The following POLR3G variants were observed in gnomAD, a reference collection of about 807,000 sequenced individuals.
POLR3G encodes RNA polymerase III subunit G, also known as DNA-directed RNA polymerase III subunit RPC7.
A neutral mutation model predicts 30.1 loss-of-function variants in POLR3G; 28 were observed. The observed-to-expected ratio is 0.93, with a 90% confidence interval of 0.69 to 1.27. POLR3G has a LOEUF of 1.27. Ranked by LOEUF, POLR3G falls within the 50% of genes most tolerant of loss-of-function variation. POLR3G has a pLI of 0.00. For synonymous variants in POLR3G, 79 were observed against 82.5 expected (o/e 0.96, Z 0.23); for missense variants, 254 against 264.6 (o/e 0.96, Z 0.28).
rs1311591124 is a variant in POLR3G, at chr5:90,478,563, G to A, written c.-44+3543G>A. Among the ~76,000 whole-genome samples, 6 of 37,158 alleles carry A rather than the reference G, an allele frequency of 1.6e-4. No individual in the cohort carries two copies. In the East Asian group the frequency reaches 3.3e-3, roughly 20 times the overall value. 24.4% of individuals were successfully genotyped at this position (37,158 alleles called of 152,430 possible). On this transcript the variant is annotated intron_variant, in intron 1 of 7. Transcript: ENST00000651687. ...CTGTAAAATGGGAGGTTTAATCTGC[G>A]TGGTTCTTTTTTTTTTTTTTTTTGA... is the stretch of plus-strand genomic sequence containing the variant.
chr5:90,493,676 ATTTTTTTTTTTTTTTTTTTTTTTTT>A (rs70999488), intron 3 of POLR3G, among the ~76,000 whole-genome samples: 20 of 51,464 alleles, frequency 3.9e-4, no homozygotes, highest in South Asian at 1.7e-3. Flanking sequence ...CCACTATTTA[ATTTTTTTTTTTTTTTTTTTTTTTTT>A]TTTTTTTTTT....
intron 6 of POLR3G, among the ~76,000 whole-genome samples, chr5:90,503,047 G>A (rs1272224733): frequency 6.6e-6 from 1 of 152,090 alleles, no homozygotes; most frequent in Non-Finnish European, 1.5e-5. Flanking sequence ...CTTTATGGAG[G>A]TTATACCAAT....
intron 3 of POLR3G, among the ~76,000 whole-genome samples, chr5:90,491,500 G>T (rs1027283009): frequency 3.8e-4 from 58 of 151,336 alleles, no homozygotes; most frequent in African/African-American, 1.4e-3. Flanking sequence ...TATACCATCA[G>T]TGTCCATGAG....
At chr5:90,482,376 A>C (rs1223266377) in intron 1 of POLR3G, among the ~76,000 whole-genome samples, 1 of 152,050 alleles carries the variant, frequency 6.6e-6, no homozygotes, top group Non-Finnish European at 1.5e-5. Flanking sequence ...ATCTAACCTA[A>C]CTGTGACTCC....
chr5:90,474,500 C>T (rs1046173188), upstream of POLR3G: 5 of 564,668 alleles, frequency 8.9e-6, no homozygotes, highest in Admixed American at 3.4e-5. Context: ...GCTCCCGCAC[C>T]CTTCCGCCAG....
intron 7 of POLR3G, 126 bp downstream of exon 7, chr5:90,506,800 T>C: frequency 1.5e-6 from 2 of 1,339,774 alleles, no homozygotes; most frequent in Non-Finnish European, 1.9e-6. Context: ...TATATTATTA[T>C]CAATGGCATC....
chr5:90,492,173 G>A (rs1751757880), intron 3 of POLR3G, among the ~76,000 whole-genome samples: 1 of 152,178 alleles, frequency 6.6e-6, no homozygotes, highest in South Asian at 2.1e-4. Context: ...CTCAGACTGT[G>A]AGTCTTCAGA....
intron 5 of POLR3G, among the ~76,000 whole-genome samples, chr5:90,498,725 G>A (rs1431503349): frequency 6.6e-6 from 1 of 152,204 alleles, no homozygotes; most frequent in African/African-American, 2.4e-5. Flanking sequence ...GCTTTATGTT[G>A]TATAGAAGAA....
intron 6 of POLR3G, among the ~76,000 whole-genome samples, chr5:90,503,788 A>T (rs190306757): frequency 3.9e-5 from 6 of 152,294 alleles, no homozygotes; most frequent in African/African-American, 1.4e-4. Context: ...CTCATGATTA[A>T]TGTGTGAGTA....
At chr5:90,478,327 A>T (rs897818898) in intron 1 of POLR3G, among the ~76,000 whole-genome samples, 1 of 152,124 alleles carries the variant, frequency 6.6e-6, no homozygotes, top group Non-Finnish European at 1.5e-5. Flanking sequence ...TTACATTTTT[A>T]ATTGAGTCTG....
At chr5:90,479,869 G>A (rs1294866246) in intron 1 of POLR3G, among the ~76,000 whole-genome samples, 2 of 152,158 alleles carry the variant, frequency 1.3e-5, no homozygotes, top group Admixed American at 1.3e-4. Context: ...AGCCAAGAGG[G>A]AAGATGAGGA....
intron 6 of POLR3G, among the ~76,000 whole-genome samples, chr5:90,503,455 G>A (rs1053419581): frequency 6.6e-6 from 1 of 152,186 alleles, no homozygotes; most frequent in African/African-American, 2.4e-5. Flanking sequence ...AGTTTGTATT[G>A]ACTGAACTCA....
At chr5:90,502,197 C>T (rs1362562901) in intron 6 of POLR3G, 6 of 985,210 alleles carry the variant, frequency 6.1e-6, no homozygotes, top group African/African-American at 1.7e-5. Context: ...TTACCACTCA[C>T]CTGGCCACTT....
At chr5:90,480,566 G>A (rs1351432515) in intron 1 of POLR3G, among the ~76,000 whole-genome samples, 2 of 152,188 alleles carry the variant, frequency 1.3e-5, no homozygotes, top group Non-Finnish European at 2.9e-5. Context: ...CCATGAAGCA[G>A]TGCTAGCTGG....
At chr5:90,509,332 A>G (rs1030348396) in intron 7 of POLR3G, among the ~76,000 whole-genome samples, 1 of 152,124 alleles carries the variant, frequency 6.6e-6, no homozygotes, top group African/African-American at 2.4e-5. Context: ...GTTACCCTGT[A>G]TAAACATGTA....
At chr5:90,473,955 T>C (rs1179129808), upstream of POLR3G, 18 of 1,601,536 alleles carry the variant, frequency 1.1e-5, no homozygotes, top group Admixed American at 1.7e-5. Context: ...GGTCTCAAAG[T>C]TGTCCCCGCG....
rs1180582646 is a variant in POLR3G, at chr5:90,495,733, G to A, written c.304G>A (p.Asp102Asn). Residue 102 changes from aspartate to asparagine, a missense_variant and splice_region_variant, in exon 4 of 8, where the codon GAT becomes AAT. Transcript: ENST00000651687. ...GGTATACAAGGAAGAATGGATACCA[G>A]GTAACTACAAAACACACAATATGAA... Reference protein sequence around the residue: ...MKVYKEEWIPDWRRLPREMMP... With the variant: ...MKVYKEEWIPNWRRLPREMMP... The A allele has an allele frequency of 3.8e-6, 6 of 1,595,812 alleles. No individual in the cohort carries two copies. Among genetic ancestry groups the A allele is most frequent in the Non-Finnish European group, 5.1e-6 (6 of 1,172,232 alleles).
At position 90,504,327 on chromosome 5, in the gene POLR3G, G is replaced by A. The variant is rs557844013; in HGVS notation, c.439-2201G>A. Among the ~76,000 whole-genome samples the A allele has an allele frequency of 7.2e-5, 11 of 152,016 alleles. No homozygotes were observed. In the East Asian group the frequency reaches 1.5e-3, roughly 21 times the overall value. Reference sequence around the variant, plus strand: ...TGTAATCTCAGCACTTTGGGAGGCCGAGGCGGGTGGATCATGAGGTCAGGA... The same window carrying A: ...TGTAATCTCAGCACTTTGGGAGGCCAAGGCGGGTGGATCATGAGGTCAGGA... On this transcript the variant is annotated intron_variant, in intron 6 of 7. Transcript: ENST00000651687.
At chr5:90,504,969 T>G (rs539242418) in intron 6 of POLR3G, among the ~76,000 whole-genome samples, 33 of 152,316 alleles carry the variant, frequency 2.2e-4, no homozygotes, top group Admixed American at 1.7e-3. Context: ...GTTACCTTGG[T>G]CTTATTTGTT....
Sources: allele counts gnomAD v4.1 joint callset (sites outside exome capture counted in the v4.1 genomes callset), GRCh38; gene constraint gnomAD v4.1.1; transcripts MANE v1.5; gene names NCBI Gene and HGNC (gene_info 2026-07-23, HGNC 2026-07-21).